The following TASP1 variants were observed in gnomAD, a reference collection of about 807,000 sequenced individuals.
The protein encoded by TASP1 is threonine aspartase 1.
A neutral mutation model predicts 56.6 loss-of-function variants in TASP1; 16 were observed. That is an observed-to-expected ratio of 0.28 (90% CI 0.19 to 0.43). The LOEUF is 0.43. TASP1 is among the 20% of genes least tolerant of loss of function. The pLI is 1.00. For synonymous variants in TASP1, 179 were observed against 184.2 expected (o/e 0.97, Z 0.23); for missense variants, 393 against 511.6 (o/e 0.77, Z 2.24).
Position 13,410,322 on chromosome 20 carries a change from G to A in TASP1, c.1170+7126C>T, listed in dbSNP as rs538839311. Among the ~76,000 whole-genome samples the A allele has an allele frequency of 4.1e-4, 63 of 152,204 alleles. No individual in the cohort carries two copies. In the Middle Eastern group the frequency reaches 0.014, roughly 33 times the overall value. On this transcript the variant is annotated intron_variant, in intron 13 of 13. Transcript: ENST00000337743. ...ACAGGTATCCCTTTGATGTACTGAC[G>A]TCCTTTTCTTTGGATAAATACCCAG...
chr20:13,279,727 T>G, the TASP1 span: 21 of 1,613,952 alleles, frequency 1.3e-5, no homozygotes, highest in South Asian at 2.3e-4. Context: ...ATCCCCCGAC[T>G]GGCGGGCCTG....
At chr20:13,314,232 C>A in the TASP1 span, among the ~76,000 whole-genome samples, 4 of 152,032 alleles carry the variant, frequency 2.6e-5, no homozygotes, top group Admixed American at 6.5e-5. Flanking sequence ...CAGAATTTCC[C>A]TCAAATTAAT....
In TASP1 at chr20:13,480,711, T is replaced by A. The variant is rs569249187; in HGVS notation, c.985+2516A>T. 5.9e-5 allele frequency among the ~76,000 whole-genome samples: 9 copies of A among 152,268 alleles called. No homozygotes were observed. The South Asian group carries it at 1.2e-3, about 21-fold the overall frequency. On this transcript the variant is annotated intron_variant, in intron 11 of 13. Transcript: ENST00000337743. The stretch of plus-strand genomic sequence containing the variant: ...AGCTAATCTGTAGTTTTAGACTCAG[T>A]AAAGTACTTGGGATCATTCTCAACA...
At chr20:13,191,004 T>C in the TASP1 span, among the ~76,000 whole-genome samples, 2 of 152,042 alleles carry the variant, frequency 1.3e-5, no homozygotes, top group African/African-American at 4.8e-5. Context: ...ATGTTCAGTA[T>C]CACTAATCAT....
chr20:13,386,637 G>A (rs2041164743), downstream of TASP1, among the ~76,000 whole-genome samples: 1 of 151,950 alleles, frequency 6.6e-6, no homozygotes, highest in Non-Finnish European at 1.5e-5. Flanking sequence ...CTTGTCTGCA[G>A]GTCACTGGTA....
At chr20:13,571,507 A>G (rs2046711043) in intron 6 of TASP1, among the ~76,000 whole-genome samples, 1 of 152,144 alleles carries the variant, frequency 6.6e-6, no homozygotes, top group African/African-American at 2.4e-5. Context: ...CTGGAATCTG[A>G]CCACTTCTCA....
At chr20:13,130,023 G>A in the TASP1 span, among the ~76,000 whole-genome samples, 1 of 152,116 alleles carries the variant, frequency 6.6e-6, no homozygotes, top group Non-Finnish European at 1.5e-5. Flanking sequence ...ATATAGGACA[G>A]TTTATTTTCA....
At chr20:13,332,572 C>T in the TASP1 span, among the ~76,000 whole-genome samples, 3 of 152,174 alleles carry the variant, frequency 2.0e-5, no homozygotes, top group Non-Finnish European at 2.9e-5. Flanking sequence ...TCTTACCAGA[C>T]CAATGAAAAT....
intron 4 of TASP1, among the ~76,000 whole-genome samples, chr20:13,611,621 A>G (rs1447923921): frequency 6.6e-6 from 1 of 152,212 alleles, no homozygotes; most frequent in Non-Finnish European, 1.5e-5. Context: ...TGACCATTAA[A>G]CCATACATTC....
At chr20:13,534,407 G>A (rs2045338610) in intron 8 of TASP1, among the ~76,000 whole-genome samples, 1 of 151,010 alleles carries the variant, frequency 6.6e-6, no homozygotes, top group African/African-American at 2.4e-5. Context: ...TCTTTTTAAT[G>A]GAGGAAATGT....
the TASP1 span, among the ~76,000 whole-genome samples, chr20:13,307,550 TA>T: frequency 6.6e-6 from 1 of 152,166 alleles, no homozygotes; most frequent in Non-Finnish European, 1.5e-5. Context: ...CAACACAAAA[TA>T]AATAAGGCAA....
the TASP1 span, among the ~76,000 whole-genome samples, chr20:13,126,217 T>C: frequency 2.6e-5 from 4 of 152,170 alleles, no homozygotes; most frequent in Non-Finnish European, 5.9e-5. Context: ...ATATGTAATA[T>C]TCTCAAGGGC....
chr20:13,564,775 C>T (rs1347937986), intron 7 of TASP1, among the ~76,000 whole-genome samples: 3 of 151,590 alleles, frequency 2.0e-5, no homozygotes, highest in Middle Eastern at 3.4e-3. Flanking sequence ...CCGAGGCAGG[C>T]AAATCATTTG....
At chr20:13,137,293 T>C in the TASP1 span, among the ~76,000 whole-genome samples, 873 of 152,312 alleles carry the variant, frequency 5.7e-3, 7 homozygotes, top group Middle Eastern at 0.014. Context: ...GTTGTTGCCT[T>C]GGCTGTAGAA....
At chr20:13,629,084 G>C (rs952683320) in intron 2 of TASP1, among the ~76,000 whole-genome samples, 1 of 152,114 alleles carries the variant, frequency 6.6e-6, no homozygotes, top group Non-Finnish European at 1.5e-5. Context: ...TAAGAGGGTG[G>C]GCCGGGTGTG....
the TASP1 span, among the ~76,000 whole-genome samples, chr20:13,194,950 A>G: frequency 6.6e-6 from 1 of 152,006 alleles, no homozygotes; most frequent in Non-Finnish European, 1.5e-5. Context: ...ACATAGAGAG[A>G]GGGGGTGCGC....
the TASP1 span, among the ~76,000 whole-genome samples, chr20:13,336,781 G>C: frequency 1.3e-5 from 2 of 151,856 alleles, no homozygotes; most frequent in African/African-American, 2.4e-5. Context: ...TCTCAACTAT[G>C]AGTATCACTA....
intron 11 of TASP1, among the ~76,000 whole-genome samples, chr20:13,451,437 C>T (rs973318286): frequency 6.6e-6 from 1 of 152,080 alleles, no homozygotes; most frequent in Admixed American, 6.6e-5. Context: ...TTAGTGTAGT[C>T]ACCTTCTTCA....
chr20:13,435,259 C>A (rs1389492531), intron 11 of TASP1, 105 bp from the exon 12 acceptor site: 9 of 825,242 alleles, frequency 1.1e-5, no homozygotes, highest in South Asian at 1.1e-4. Context: ...TAAGAAAATG[C>A]CCATTTTCTG....
Sources: allele counts gnomAD v4.1 joint callset (sites outside exome capture counted in the v4.1 genomes callset), GRCh38; gene constraint gnomAD v4.1.1; transcripts MANE v1.5; gene names NCBI Gene and HGNC (gene_info 2026-07-23, HGNC 2026-07-21).